The following PIWIL4 variants were observed in gnomAD, a reference collection of about 807,000 sequenced individuals.
PIWIL4 encodes the protein piwi like RNA-mediated gene silencing 4.
In PIWIL4, 50 loss-of-function variants were observed where a neutral mutation model predicts 100.9. The ratio of observed to expected loss-of-function variants is 0.50; its 90% CI spans 0.39 to 0.63. The LOEUF is 0.63. PIWIL4 is among the 20% of genes least tolerant of loss of function. The probability of loss-of-function intolerance (pLI) is 0.00; values close to 1 mark genes in which losing one functional copy is unlikely to be tolerated. For missense variants in PIWIL4, 887 were observed against 1,043.3 expected (o/e 0.85, Z 2.06); for synonymous variants, 342 against 367.5 (o/e 0.93, Z 0.79).
chr11:94,620,247 T>C, intron 19 of PIWIL4, 103 bp downstream of exon 19: 1 of 1,223,960 alleles, frequency 8.2e-7, no homozygotes, highest in Non-Finnish European at 1.1e-6. Flanking sequence ...GCACAATACC[T>C]GATATTTCCT....
chr11:94,589,293 T>C, intron 8 of PIWIL4, 61 bp downstream of exon 8: 1 of 1,416,256 alleles, frequency 7.1e-7, no homozygotes, highest in Non-Finnish European at 9.9e-7. Flanking sequence ...AGTCTCCTTA[T>C]TCCAAGTCTC....
chr11:94,615,972 A>T (rs2135304866), intron 15 of PIWIL4, among the ~76,000 whole-genome samples: 1 of 152,376 alleles, frequency 6.6e-6, no homozygotes, highest in East Asian at 1.9e-4. Context: ...CAAAAGGATC[A>T]CCTATAGAAA....
intron 8 of PIWIL4, among the ~76,000 whole-genome samples, chr11:94,589,691 T>C (rs1045401202): frequency 6.6e-6 from 1 of 152,144 alleles, no homozygotes; most frequent in Non-Finnish European, 1.5e-5. Context: ...TGCTTCTTTT[T>C]CCTGGATACC....
At chr11:94,614,709 A>G (rs1368126292) in intron 15 of PIWIL4, among the ~76,000 whole-genome samples, 1 of 152,144 alleles carries the variant, frequency 6.6e-6, no homozygotes, top group Non-Finnish European at 1.5e-5. Flanking sequence ...TTTGGGAGAG[A>G]AAAACCTTTA....
At chr11:94,590,799 C>T (rs7107978) in intron 8 of PIWIL4, among the ~76,000 whole-genome samples, 10,534 of 152,178 alleles carry the variant, frequency 0.069, 749 homozygotes, top group African/African-American at 0.18. Context: ...CAGGCCATCT[C>T]GTGGATCCCC....
chr11:94,573,063 G>A (rs1948182079), intron 2 of PIWIL4, among the ~76,000 whole-genome samples: 2 of 152,188 alleles, frequency 1.3e-5, no homozygotes, highest in Non-Finnish European at 1.5e-5. Context: ...GTGAATGGGA[G>A]TTCACTCATG....
At chr11:94,582,623 T>A (rs570080387) in intron 4 of PIWIL4, among the ~76,000 whole-genome samples, 4 of 152,220 alleles carry the variant, frequency 2.6e-5, no homozygotes, top group Non-Finnish European at 5.9e-5. Context: ...ATTCCTTTAT[T>A]TCAAGAACCT....
chr11:94,620,105 A>G lies in PIWIL4; in HGVS notation c.2403A>G (p.Arg801=). ...DNGLKPDHMQ[R]LTFKLCHLYY... is the part of the protein sequence containing the mutation. Reference sequence around the variant, plus strand: ...GCTTGAAGCCCGACCATATGCAGAGACTTACATTCAAATTGTGCCACCTGT... The same window carrying G: ...GCTTGAAGCCCGACCATATGCAGAGGCTTACATTCAAATTGTGCCACCTGT... The change falls in exon 19 of 20, where the codon AGA becomes AGG. Residue 801 remains arginine (R), a synonymous_variant. Transcript: ENST00000299001. 2 of 1,610,728 alleles carry G rather than the reference A, an allele frequency of 1.2e-6. No homozygotes were observed. The highest frequency in any genetic ancestry group is 1.7e-6 in the Non-Finnish European group (2 of 1,178,392).
intron 4 of PIWIL4, among the ~76,000 whole-genome samples, chr11:94,580,466 C>A (rs1237746984): frequency 4.6e-5 from 7 of 152,126 alleles, no homozygotes; most frequent in Non-Finnish European, 1.5e-5. Context: ...TGTCCAGGTC[C>A]TATCTGTGCA....
chr11:94,571,810 A>G (rs1263041392), intron 2 of PIWIL4, among the ~76,000 whole-genome samples: 2 of 152,190 alleles, frequency 1.3e-5, no homozygotes, highest in African/African-American at 4.8e-5. Flanking sequence ...CAGTAATGGG[A>G]TGGCTGGGTC....
At chr11:94,602,061 G>C (rs1006677924) in intron 12 of PIWIL4, 82 bp downstream of exon 12, 18 of 1,318,482 alleles carry the variant, frequency 1.4e-5, no homozygotes, top group Admixed American at 7.4e-5. Context: ...ATCAACAAAA[G>C]CTTCTTTATC....
At chr11:94,583,326 C>T in intron 4 of PIWIL4, 122 bp from the exon 5 acceptor site, 1 of 1,070,794 alleles carries the variant, frequency 9.3e-7, no homozygotes, top group East Asian at 2.4e-5. Flanking sequence ...GATTATTACT[C>T]ATACTAACAC....
chr11:94,581,256 G>A (rs1357240581), intron 4 of PIWIL4, among the ~76,000 whole-genome samples: 1 of 152,148 alleles, frequency 6.6e-6, no homozygotes, highest in Non-Finnish European at 1.5e-5. Flanking sequence ...TTGGGGCCTA[G>A]TGAGGCTAAA....
rs1179067912 is a variant in PIWIL4, at chr11:94,574,210, G to T, written c.167-789G>T. Among the ~76,000 whole-genome samples, 3 of 152,272 alleles carry T rather than the reference G, an allele frequency of 2.0e-5. No individual in the cohort carries two copies. In the East Asian group the frequency reaches 5.8e-4, roughly 29 times the overall value. On this transcript the variant is annotated intron_variant, in intron 2 of 19. Transcript: ENST00000299001. ...CTGTCAGTAAGTGATATGCCCTGAG[G>T]TGAAACACTGGCTTTTATTCTTAGG...
At chr11:94,600,739 T>C (rs938613829) in intron 11 of PIWIL4, among the ~76,000 whole-genome samples, 1 of 152,024 alleles carries the variant, frequency 6.6e-6, no homozygotes, top group Non-Finnish European at 1.5e-5. Flanking sequence ...TTCACCTCTA[T>C]AGTCTACAGA....
chr11:94,611,149 G>GT (rs1948784022), intron 15 of PIWIL4, among the ~76,000 whole-genome samples: 1 of 152,114 alleles, frequency 6.6e-6, no homozygotes, highest in Non-Finnish European at 1.5e-5. Context: ...TTTTATGGCA[G>GT]TATCAGGCTG....
At chr11:94,591,595 T>G (rs1948486496) in intron 8 of PIWIL4, among the ~76,000 whole-genome samples, 3 of 152,216 alleles carry the variant, frequency 2.0e-5, no homozygotes, top group Non-Finnish European at 4.4e-5. Context: ...ATGATTAAAT[T>G]TGTTCATATT....
At chr11:94,607,170 G>A (rs1948731812) in intron 13 of PIWIL4, among the ~76,000 whole-genome samples, 2 of 152,096 alleles carry the variant, frequency 1.3e-5, no homozygotes, top group Non-Finnish European at 2.9e-5. Context: ...GGAGAGAAAT[G>A]AGGAGAAAGG....
Position 94,608,645 on chromosome 11 carries a change from G to T in PIWIL4, c.1902G>T (p.Met634Ile). 3 of 1,614,180 alleles carry T rather than the reference G, an allele frequency of 1.9e-6. No homozygotes were observed. In the South Asian group the frequency reaches 3.3e-5, roughly 18 times the overall value. ...VCKDALSKDV[M>I]VVGCVASVNP... ...AAGATGCACTCAGCAAGGACGTGATGGTTGTTGGATGCGTGGCCAGTGTTA... is the reference window on the plus strand; with the variant it reads ...AAGATGCACTCAGCAAGGACGTGATTGTTGTTGGATGCGTGGCCAGTGTTA... Residue 634 changes from methionine (M) to isoleucine (I), a missense_variant, in exon 15 of 20, where the codon ATG becomes ATT. Met to Ile is a conservative substitution (Grantham distance 10, BLOSUM62 1). Transcript: ENST00000299001.
Sources: allele counts gnomAD v4.1 joint callset (sites outside exome capture counted in the v4.1 genomes callset), GRCh38; gene constraint gnomAD v4.1.1; transcripts MANE v1.5; gene names NCBI Gene and HGNC (gene_info 2026-07-23, HGNC 2026-07-21).